Variants in ROBO1 observed in about 807,000 individuals in gnomAD.
ROBO1 encodes roundabout guidance receptor 1.
In ROBO1, 149 loss-of-function variants were observed where a neutral mutation model predicts 195.9. That is an observed-to-expected ratio of 0.76 (90% confidence interval 0.67 to 0.87). ROBO1 has a LOEUF of 0.87. Ranked by LOEUF, ROBO1 falls within the 40% of genes least tolerant of loss-of-function variation. The probability of loss-of-function intolerance (pLI) is 0.00; values close to 1 mark genes in which losing one functional copy is unlikely to be tolerated. For missense variants in ROBO1, 1,933 were observed against 2,068.3 expected (o/e 0.93, Z 1.27); for synonymous variants, 816 against 733.2 (o/e 1.11, Z -1.82).
At chr3:79,664,187 A>G (rs1946408352) in intron 1 of ROBO1, among the ~76,000 whole-genome samples, 1 of 151,982 alleles carries the variant, frequency 6.6e-6, no homozygotes, top group African/African-American at 2.4e-5. Flanking sequence ...TTAGTCTGGA[A>G]ATTGCTAGGG....
intron 4 of ROBO1, among the ~76,000 whole-genome samples, chr3:78,918,494 A>G (rs1186902402): frequency 2.0e-5 from 3 of 152,118 alleles, no homozygotes; most frequent in Non-Finnish European, 4.4e-5. Context: ...ATGAATCATT[A>G]TCCCTTATTT....
At chr3:79,396,812 GA>G (rs2037171699) in intron 2 of ROBO1, among the ~76,000 whole-genome samples, 1 of 152,112 alleles carries the variant, frequency 6.6e-6, no homozygotes, top group Non-Finnish European at 1.5e-5. Context: ...TCCACTACTT[GA>G]AACAGAGTGA....
At chr3:79,357,144 A>C (rs943797022) in intron 2 of ROBO1, among the ~76,000 whole-genome samples, 2 of 152,084 alleles carry the variant, frequency 1.3e-5, no homozygotes, top group Non-Finnish European at 2.9e-5. Flanking sequence ...CAATAAGAAA[A>C]ATTACCCTAG....
chr3:78,804,950 G>T (rs955102008), intron 4 of ROBO1, among the ~76,000 whole-genome samples: 2 of 152,048 alleles, frequency 1.3e-5, no homozygotes, highest in Non-Finnish European at 2.9e-5. Context: ...TGAAGGTTCA[G>T]TTTAAAGAAT....
chr3:79,666,147 T>C (rs574554576), intron 1 of ROBO1, among the ~76,000 whole-genome samples: 21 of 152,100 alleles, frequency 1.4e-4, no homozygotes, highest in Admixed American at 1.2e-3. Flanking sequence ...CAACACCTGG[T>C]ATAATATTAA....
intron 4 of ROBO1, among the ~76,000 whole-genome samples, chr3:78,932,503 G>A (rs2039584830): frequency 6.6e-6 from 1 of 152,136 alleles, no homozygotes; most frequent in Non-Finnish European, 1.5e-5. Flanking sequence ...AGTGTATCCA[G>A]TAATACTGAA....
At chr3:79,547,140 G>A (rs370631452) in intron 2 of ROBO1, among the ~76,000 whole-genome samples, 1 of 129,220 alleles carries the variant, frequency 7.7e-6, no homozygotes, top group Non-Finnish European at 1.6e-5. Flanking sequence ...AGCCGAGATC[G>A]TGCCACTGCA....
chr3:78,821,144 T>C (rs2030872846), intron 4 of ROBO1, among the ~76,000 whole-genome samples: 1 of 151,492 alleles, frequency 6.6e-6, no homozygotes, highest in Non-Finnish European at 1.5e-5. Context: ...TGCTTATATG[T>C]GCATTTTATG....
chr3:78,671,779 T>C (rs1175197320), intron 10 of ROBO1, among the ~76,000 whole-genome samples: 1 of 152,146 alleles, frequency 6.6e-6, no homozygotes, highest in Non-Finnish European at 1.5e-5. Context: ...TTATAACTGA[T>C]TATAATTAAG....
intron 2 of ROBO1, among the ~76,000 whole-genome samples, chr3:79,231,604 A>C (rs2082322487): frequency 6.6e-6 from 1 of 152,180 alleles, no homozygotes; most frequent in South Asian, 2.1e-4. Flanking sequence ...ATGCTTATAC[A>C]CTGTTGGTGG....
intron 2 of ROBO1, among the ~76,000 whole-genome samples, chr3:79,549,041 G>A (rs1386634709): frequency 1.3e-5 from 2 of 152,130 alleles, no homozygotes; most frequent in African/African-American, 2.4e-5. Flanking sequence ...CAAGGGATGT[G>A]CACTTTAGGT....
chr3:78,631,567 C>G lies in ROBO1; in HGVS notation c.3482-262G>C, dbSNP rs79883399. ...AGTCATATCATTAATAGTGATCTTC[C>G]TGCAGCAATTAATTGCATTATGGAT... On this transcript the variant is annotated intron_variant, in intron 24 of 30. Transcript: ENST00000464233. Among the ~76,000 whole-genome samples, 405 of 152,174 alleles carry G rather than the reference C, an allele frequency of 2.7e-3. 3 individuals carry two copies. The highest frequency in any genetic ancestry group is 9.3e-3 in the African/African-American group (386 of 41,526).
chr3:78,696,662 A>G (rs1244582800), intron 8 of ROBO1, among the ~76,000 whole-genome samples: 1 of 146,354 alleles, frequency 6.8e-6, no homozygotes, highest in East Asian at 1.9e-4. Context: ...ACACATATAT[A>G]TACACATATA....
At chr3:79,183,080 C>CAAAAAAA (rs1304597488) in intron 2 of ROBO1, among the ~76,000 whole-genome samples, 5 of 64,826 alleles carry the variant, frequency 7.7e-5, no homozygotes, top group African/African-American at 1.6e-4. Context: ...GACTCCAACT[C>CAAAAAAA]AAAAAAAAAA....
At chr3:79,112,718 G>A (rs957658036) in intron 3 of ROBO1, among the ~76,000 whole-genome samples, 3 of 151,054 alleles carry the variant, frequency 2.0e-5, no homozygotes, top group Non-Finnish European at 4.4e-5. Flanking sequence ...GAGAACACAT[G>A]GACATAGGAA....
intron 1 of ROBO1, among the ~76,000 whole-genome samples, chr3:79,641,069 CAT>C (rs1330613758): frequency 6.6e-6 from 1 of 152,042 alleles, no homozygotes; most frequent in Non-Finnish European, 1.5e-5. Context: ...CTTCCTCCAT[CAT>C]ATATTTAAGG....
intron 2 of ROBO1, among the ~76,000 whole-genome samples, chr3:79,355,871 C>T (rs1325264553): frequency 6.6e-6 from 1 of 152,084 alleles, no homozygotes; most frequent in East Asian, 1.9e-4. Flanking sequence ...ACAGTAAAGA[C>T]AGGAGTGCAG....
intron 4 of ROBO1, among the ~76,000 whole-genome samples, chr3:78,819,161 T>TTTGTCACAGATGTTG (rs2030550826): frequency 6.6e-6 from 1 of 152,168 alleles, no homozygotes; most frequent in Non-Finnish European, 1.5e-5. Flanking sequence ...ATGCTAATCC[T>TTTGTCACAGATGTTG]TTGTCACAGA....
At chr3:79,412,256 C>T (rs2037799445) in intron 2 of ROBO1, among the ~76,000 whole-genome samples, 1 of 152,152 alleles carries the variant, frequency 6.6e-6, no homozygotes, top group African/African-American at 2.4e-5. Context: ...TTCCTTGGTA[C>T]ATAAGCACAA....
Sources: allele counts gnomAD v4.1 joint callset (sites outside exome capture counted in the v4.1 genomes callset), GRCh38; gene constraint gnomAD v4.1.1; transcripts MANE v1.5; gene names NCBI Gene and HGNC (gene_info 2026-07-23, HGNC 2026-07-21).